The following DOCK9 variants were observed in gnomAD, a reference collection of about 807,000 sequenced individuals.
DOCK9 encodes the protein dedicator of cytokinesis protein 9.
DOCK9 carries 89 observed loss-of-function variants against 263.3 expected under a neutral mutation model. That is an observed-to-expected ratio of 0.34 (90% CI 0.28 to 0.40). DOCK9 has a LOEUF of 0.40. Among genes scored for constraint, DOCK9 ranks in the 10% least tolerant of loss-of-function variants. The pLI is 1.00. For missense variants in DOCK9, 2,140 were observed against 2,603.4 expected (o/e 0.82, Z 3.87); for synonymous variants, 976 against 973.1 (o/e 1.00, Z -0.06).
At chr13:98,944,382 GAAAAAAA>G (rs59677048) in intron 2 of DOCK9, among the ~76,000 whole-genome samples, 2 of 73,184 alleles carry the variant, frequency 2.7e-5, no homozygotes, top group East Asian at 8.8e-4. Flanking sequence ...CACTATATGA[GAAAAAAA>G]AAAAAAAAAA....
intron 1 of DOCK9, among the ~76,000 whole-genome samples, chr13:98,964,682 C>T (rs913934888): frequency 1.3e-5 from 2 of 152,230 alleles, no homozygotes; most frequent in Non-Finnish European, 2.9e-5. Context: ...GCCAGGAGTT[C>T]AGAATAGCTG....
At chr13:98,912,406 A>G (rs939866315) in intron 9 of DOCK9, among the ~76,000 whole-genome samples, 1 of 152,208 alleles carries the variant, frequency 6.6e-6, no homozygotes, top group African/African-American at 2.4e-5. Flanking sequence ...TGCTATTGCA[A>G]ATTATACCTC....
intron 1 of DOCK9, chr13:99,015,425 A>C (rs1885245761): frequency 6.4e-7 from 1 of 1,556,950 alleles, no homozygotes; most frequent in Non-Finnish European, 8.6e-7. Flanking sequence ...ACTACTTGTT[A>C]ATTAAGCAAG....
intron 1 of DOCK9, among the ~76,000 whole-genome samples, chr13:99,024,077 C>G (rs1453438731): frequency 6.6e-6 from 1 of 152,168 alleles, no homozygotes; most frequent in Non-Finnish European, 1.5e-5. Context: ...ACCATGGTTT[C>G]TTAGGGAGCT....
chr13:98,877,159 C>A (rs2043987538), intron 27 of DOCK9, among the ~76,000 whole-genome samples: 1 of 152,204 alleles, frequency 6.6e-6, no homozygotes, highest in East Asian at 1.9e-4. Context: ...CACTGGGACT[C>A]TGCCACAAGT....
intron 11 of DOCK9, among the ~76,000 whole-genome samples, chr13:98,902,698 T>G (rs550077255): frequency 6.6e-6 from 1 of 152,350 alleles, no homozygotes; most frequent in South Asian, 2.1e-4. Context: ...TGTGTTTTGC[T>G]ACGTAATGTA....
At chr13:98,832,255 A>C (rs1241435958) in intron 39 of DOCK9, 1 of 156,050 alleles carries the variant, frequency 6.4e-6, no homozygotes, top group Non-Finnish European at 1.4e-5. Context: ...CTAAGCTATG[A>C]ATAATCAGAG....
chr13:98,995,645 C>T (rs1322634128), intron 1 of DOCK9, among the ~76,000 whole-genome samples: 11 of 151,882 alleles, frequency 7.2e-5, no homozygotes, highest in African/African-American at 2.4e-4. Flanking sequence ...CCTGCCACCA[C>T]GCCCGGCTAA....
intron 1 of DOCK9, among the ~76,000 whole-genome samples, chr13:99,058,387 C>T (rs1483624166): frequency 6.6e-6 from 1 of 152,210 alleles, no homozygotes; most frequent in Middle Eastern, 3.4e-3. Context: ...GTCTTGAACT[C>T]CTGACCTCAA....
At chr13:99,038,295 T>TAGC (rs1387008734) in intron 1 of DOCK9, among the ~76,000 whole-genome samples, 1 of 70,242 alleles carries the variant, frequency 1.4e-5, no homozygotes, top group Non-Finnish European at 2.9e-5. Flanking sequence ...CCCCTTTTTT[T>TAGC]TTTTTTTTTT....
At chr13:98,798,609 C>T (rs1358367300) in intron 50 of DOCK9, among the ~76,000 whole-genome samples, 2 of 152,228 alleles carry the variant, frequency 1.3e-5, no homozygotes, top group African/African-American at 4.8e-5. Context: ...GCTGATGAGA[C>T]TCCATAAGGT....
chr13:98,923,195 C>G, intron 5 of DOCK9, 107 bp downstream of exon 5: 1 of 1,010,396 alleles, frequency 9.9e-7, no homozygotes, highest in Non-Finnish European at 1.6e-6. Context: ...CACTCCAATG[C>G]CTGTTTTGGC....
chr13:98,863,159 T>C (rs779422176), intron 31 of DOCK9, 27 bp from the exon 32 acceptor site: 6 of 1,578,940 alleles, frequency 3.8e-6, no homozygotes, highest in Non-Finnish European at 4.3e-6. Context: ...CATGGTAAGT[T>C]TGACCCAGGA....
chr13:98,853,451 G>A lies in DOCK9; in HGVS notation c.3903C>T (p.Ser1301=), dbSNP rs759272913. 1.9e-6 allele frequency: 3 copies of A among 1,613,394 alleles called. No individual in the cohort carries two copies. Among genetic ancestry groups the A allele is most frequent in the East Asian group, 4.5e-5 (2 of 44,832 alleles). The change falls in exon 35 of 53, where the codon AGC becomes AGT. Residue 1301 remains serine, a synonymous_variant. Transcript: ENST00000682017. ...CDKLDQSEIK[S]LLMCFLYILK... is the part of the protein sequence containing the mutation. The stretch of plus-strand genomic sequence containing the variant: ...AGATGTAGAGGAAACACATCAGTAG[G>A]CTCTTAATCTCAGACTGGTCAAGTT...
intron 45 of DOCK9, among the ~76,000 whole-genome samples, chr13:98,812,502 C>T (rs1262012013): frequency 6.6e-6 from 1 of 152,150 alleles, no homozygotes; most frequent in African/African-American, 2.4e-5. Context: ...TTATTAACAT[C>T]CGTCTAGTAA....
intron 39 of DOCK9, among the ~76,000 whole-genome samples, chr13:98,834,885 C>G (rs750161219): frequency 6.6e-6 from 1 of 152,334 alleles, no homozygotes; most frequent in East Asian, 1.9e-4. Flanking sequence ...CTCATACACA[C>G]ACACACACAC....
At chr13:98,859,745 G>A (rs369629431) in intron 33 of DOCK9, 1 of 99,372 alleles carries the variant, frequency 1.0e-5, no homozygotes, top group Non-Finnish European at 2.3e-5. Flanking sequence ...GTGTGTGTGT[G>A]TGTGTGTGTA....
intron 1 of DOCK9, among the ~76,000 whole-genome samples, chr13:98,995,438 GA>G (rs1450502073): frequency 3.3e-5 from 5 of 151,544 alleles, no homozygotes; most frequent in African/African-American, 1.2e-4. Context: ...AAAAGTAGAG[GA>G]TGCGTAACTA....
At chr13:98,976,965 A>G (rs1353547791) in intron 1 of DOCK9, among the ~76,000 whole-genome samples, 1 of 152,180 alleles carries the variant, frequency 6.6e-6, no homozygotes, top group Non-Finnish European at 1.5e-5. Context: ...AAATAAAATC[A>G]CTACATATCA....
Sources: gnomAD v4.1 joint callset for allele counts (sites outside exome capture counted in the v4.1 genomes callset) on GRCh38, gnomAD v4.1.1 for gene constraint, MANE v1.5 for transcripts, NCBI Gene and HGNC (gene_info 2026-07-23, HGNC 2026-07-21) for gene names.